Variants in TCEA3 observed in about 807,000 individuals in gnomAD.
TCEA3 encodes transcription elongation factor A3.
Under a neutral mutation model 44.0 loss-of-function variants are expected in TCEA3, and 36 were observed. The ratio of observed to expected loss-of-function variants is 0.82; its 90% CI spans 0.63 to 1.08. The LOEUF (loss-of-function observed/expected upper bound fraction) is 1.08. Among genes scored for constraint, TCEA3 ranks in the 50% least tolerant of loss-of-function variants. The pLI is 0.00. For missense variants in TCEA3, 392 were observed against 441.2 expected (o/e 0.89, Z 1.00); for synonymous variants, 162 against 159.7 (o/e 1.01, Z -0.11).
intron 3 of TCEA3, 55 bp downstream of exon 3, chr1:23,417,849 C>T (rs1350938615): frequency 4.6e-6 from 7 of 1,536,518 alleles, no homozygotes; most frequent in Non-Finnish European, 6.3e-6. Context: ...AGGCCCAGTC[C>T]TGTCCCAAGT....
intron 5 of TCEA3, among the ~76,000 whole-genome samples, chr1:23,406,497 C>T (rs1343348374): frequency 2.0e-5 from 3 of 152,160 alleles, no homozygotes; most frequent in African/African-American, 7.2e-5. Flanking sequence ...CCCTGTTTCT[C>T]CTGCTCTGAC....
intron 1 of TCEA3, among the ~76,000 whole-genome samples, chr1:23,420,567 C>T (rs999833881): frequency 6.6e-5 from 10 of 152,300 alleles, no homozygotes; most frequent in African/African-American, 2.2e-4. Flanking sequence ...TAAATTCATT[C>T]ACCGGTTGAT....
chr1:23,387,297 C>G lies in TCEA3; in HGVS notation c.942G>C (p.Lys314Asn). Residue 314 changes from lysine (K) to asparagine (N), a missense_variant, in exon 9 of 11, where the codon AAG becomes AAC. Physicochemically the swap from Lys to Asn is moderately conservative, Grantham distance 94. Transcript: ENST00000450454. ...TTDLFQCSKC[K>N]KKNCTYNQVQ... is the part of the protein sequence containing the mutation. ...CCTGGTTATAGGTGCAGTTCTTCTT[C>G]TTGCATTTGCTGCACTGGAAGAGGT... The G allele has an allele frequency of 6.2e-7, 1 of 1,614,000 alleles. No individual in the cohort carries two copies. The highest frequency in any genetic ancestry group is 8.5e-7 in the Non-Finnish European group (1 of 1,179,888).
chr1:23,382,664 T>A (rs1026197748), intron 10 of TCEA3, among the ~76,000 whole-genome samples: 1 of 152,218 alleles, frequency 6.6e-6, no homozygotes, highest in East Asian at 1.9e-4. Context: ...AGAGGCTCTG[T>A]TAATGCTTTA....
chr1:23,385,292 G>T (rs181490274), intron 9 of TCEA3, among the ~76,000 whole-genome samples: 1 of 152,156 alleles, frequency 6.6e-6, no homozygotes, highest in Non-Finnish European at 1.5e-5. Flanking sequence ...AGTTATGCCC[G>T]CCACCCTCCT....
At chr1:23,391,036 TGA>T (rs1639009468) in intron 8 of TCEA3, among the ~76,000 whole-genome samples, 1 of 151,518 alleles carries the variant, frequency 6.6e-6, no homozygotes, top group Admixed American at 6.6e-5. Flanking sequence ...AAGGGAGTTC[TGA>T]GAGAGACACC....
chr1:23,422,815 G>A (rs1235978634), intron 1 of TCEA3, among the ~76,000 whole-genome samples: 1 of 152,184 alleles, frequency 6.6e-6, no homozygotes, highest in Non-Finnish European at 1.5e-5. Flanking sequence ...TCCAGAAAGG[G>A]AAGGTTGAGT....
intron 7 of TCEA3, among the ~76,000 whole-genome samples, chr1:23,395,696 C>T (rs1177505558): frequency 1.3e-5 from 2 of 151,920 alleles, no homozygotes; most frequent in African/African-American, 2.4e-5. Flanking sequence ...GGTGTGGTGG[C>T]GGGCACCTGT....
At chr1:23,399,144 G>GTATATATGTATATA (rs1553167290) in intron 5 of TCEA3, among the ~76,000 whole-genome samples, 37 of 61,136 alleles carry the variant, frequency 6.1e-4, no homozygotes, top group Non-Finnish European at 1.0e-3. Context: ...ATGTATATAT[G>GTATATATGTATATA]TATATATATA....
At chr1:23,408,831 T>C in intron 4 of TCEA3, 105 bp from the exon 5 acceptor site, 2 of 1,126,868 alleles carry the variant, frequency 1.8e-6, no homozygotes, top group Non-Finnish European at 1.3e-6. Context: ...GGCTTGAGGC[T>C]AAGGAAGCCC....
At chr1:23,389,357 C>T (rs1163812972) in intron 8 of TCEA3, among the ~76,000 whole-genome samples, 3 of 151,930 alleles carry the variant, frequency 2.0e-5, no homozygotes, top group East Asian at 1.9e-4. Context: ...GGTGTGGTGG[C>T]GGGCACCTGT....
chr1:23,385,601 A>C (rs924817034), intron 9 of TCEA3, among the ~76,000 whole-genome samples: 1 of 152,228 alleles, frequency 6.6e-6, no homozygotes, highest in Admixed American at 6.5e-5. Flanking sequence ...TGCTCTTGAT[A>C]AATGGTGTGT....
intron 5 of TCEA3, among the ~76,000 whole-genome samples, chr1:23,399,144 G>GTATGTA (rs1553167291): frequency 4.9e-5 from 3 of 61,166 alleles, no homozygotes; most frequent in Admixed American, 2.1e-4. Context: ...ATGTATATAT[G>GTATGTA]TATATATATA....
At chr1:23,418,138 T>G in intron 2 of TCEA3, 129 bp from the exon 3 acceptor site, 2 of 878,348 alleles carry the variant, frequency 2.3e-6, no homozygotes, top group Non-Finnish European at 3.6e-6. Context: ...GTCCTAGCCC[T>G]GACTCCTGGC....
chr1:23,383,513 G>T, intron 10 of TCEA3: 1 of 925,122 alleles, frequency 1.1e-6, no homozygotes, highest in Non-Finnish European at 1.3e-6. Context: ...TGGGAGAAAG[G>T]CATTATTATT....
chr1:23,408,304 C>T (rs1016677605), intron 5 of TCEA3, among the ~76,000 whole-genome samples: 1 of 152,180 alleles, frequency 6.6e-6, no homozygotes, highest in Non-Finnish European at 1.5e-5. Flanking sequence ...TGGGTTCAAT[C>T]GGACCTTGAG....
chr1:23,414,851 CG>C (rs1639839984), intron 4 of TCEA3, among the ~76,000 whole-genome samples: 1 of 151,808 alleles, frequency 6.6e-6, no homozygotes, highest in Non-Finnish European at 1.5e-5. Flanking sequence ...GAAGAAAGAA[CG>C]GAGAAAATGA....
At chr1:23,415,365 A>G (rs1391347904) in intron 4 of TCEA3, among the ~76,000 whole-genome samples, 1 of 152,204 alleles carries the variant, frequency 6.6e-6, no homozygotes, top group Non-Finnish European at 1.5e-5. Flanking sequence ...GGAGCAAACA[A>G]AAACAAAAAC....
rs1640170017 is a variant in TCEA3 at position 23,424,693 on chromosome 1, C to T, written c.-60G>A. 2 of 1,390,848 alleles carry T rather than the reference C, an allele frequency of 1.4e-6. No homozygotes were observed. The highest frequency in any genetic ancestry group is 3.8e-5 in the Admixed American group (2 of 52,582). 86.2% of individuals were successfully genotyped at this position (1,390,848 alleles called of 1,614,324 possible). ...AGGGGCAGCAGTAGGGCCTCGGGGG[C>T]AGGAGGCGCGAAGGCGGAGGGCGCG... On this transcript the variant is annotated 5_prime_UTR_variant, in exon 1 of 11. Coordinates refer to ENST00000450454, the MANE Select transcript of TCEA3 (RefSeq NM_003196.3).
Sources: gnomAD v4.1 joint callset for allele counts (sites outside exome capture counted in the v4.1 genomes callset) on GRCh38, gnomAD v4.1.1 for gene constraint, MANE v1.5 for transcripts, NCBI Gene and HGNC (gene_info 2026-07-23, HGNC 2026-07-21) for gene names.